Variants in TTC28 observed in about 807,000 individuals in gnomAD.
TTC28 encodes tetratricopeptide repeat domain 28, also known as tetratricopeptide repeat protein 28.
In TTC28, 61 loss-of-function variants were observed where a neutral mutation model predicts 198.0. That is an observed-to-expected ratio of 0.31 (90% CI 0.25 to 0.38). TTC28 has a LOEUF of 0.38. TTC28 is among the 10% of genes least tolerant of loss of function. The pLI, the probability that TTC28 is intolerant of heterozygous loss-of-function variation, is 1.00. For synonymous variants in TTC28, 1,171 were observed against 1,297.8 expected, an observed-to-expected ratio of 0.90 and a Z score of 2.10; for missense variants, 2,678 against 3,164.0, an observed-to-expected ratio of 0.85 and a Z score of 3.69.
At chr22:28,607,923 C>T (rs2050760073) in intron 2 of TTC28, among the ~76,000 whole-genome samples, 1 of 152,212 alleles carries the variant, frequency 6.6e-6, no homozygotes, top group African/African-American at 2.4e-5. Context: ...CCATTTCCCT[C>T]ACAGTGGTTG....
intron 5 of TTC28, among the ~76,000 whole-genome samples, chr22:28,241,484 T>C (rs1053262149): frequency 6.6e-6 from 1 of 152,088 alleles, no homozygotes; most frequent in African/African-American, 2.4e-5. Context: ...GTATGAGCTA[T>C]GGATTTGATA....
chr22:28,307,437 G>C (rs1196431501), intron 2 of TTC28, among the ~76,000 whole-genome samples: 1 of 151,976 alleles, frequency 6.6e-6, no homozygotes, highest in African/African-American at 2.4e-5. Context: ...AATAGACAGA[G>C]GGTCTCACTC....
intron 2 of TTC28, among the ~76,000 whole-genome samples, chr22:28,615,202 C>T (rs1221301191): frequency 6.6e-6 from 1 of 152,164 alleles, no homozygotes; most frequent in Non-Finnish European, 1.5e-5. Context: ...TGAAAAAATG[C>T]TCATCATCAC....
At chr22:28,600,986 G>A (rs1235792059) in intron 2 of TTC28, among the ~76,000 whole-genome samples, 1 of 151,966 alleles carries the variant, frequency 6.6e-6, no homozygotes, top group African/African-American at 2.4e-5. Flanking sequence ...TTATCATCAA[G>A]AAAAATTATG....
rs144625153 is a variant in TTC28, at chr22:28,268,890, C to T, written c.933+27308G>A. Among the ~76,000 whole-genome samples the T allele has an allele frequency of 6.0e-4, 92 of 152,182 alleles. No individual in the cohort carries two copies. In the East Asian group the frequency reaches 0.014, roughly 23 times the overall value. On this transcript the variant is annotated intron_variant, in intron 5 of 22. Transcript: ENST00000397906. ...CTTCTATTTTGGTGAGAAAGAGTAACGTTTACTATGACAATCTATTCTTTC... is the reference window on the plus strand; with the variant it reads ...CTTCTATTTTGGTGAGAAAGAGTAATGTTTACTATGACAATCTATTCTTTC...
At chr22:28,400,166 T>C (rs538571128) in intron 2 of TTC28, among the ~76,000 whole-genome samples, 27 of 152,212 alleles carry the variant, frequency 1.8e-4, no homozygotes, top group Non-Finnish European at 3.5e-4. Flanking sequence ...GTCTAACTCC[T>C]AGATGAAATT....
At chr22:28,322,372 G>C (rs189429562) in intron 2 of TTC28, among the ~76,000 whole-genome samples, 1 of 152,100 alleles carries the variant, frequency 6.6e-6, no homozygotes, top group Admixed American at 6.5e-5. Flanking sequence ...TGACTGAAAA[G>C]TTTCCCTGAC....
intron 6 of TTC28, among the ~76,000 whole-genome samples, chr22:28,158,072 G>A (rs1943791944): frequency 6.6e-6 from 1 of 151,636 alleles, no homozygotes. Flanking sequence ...CAAAGTTGCA[G>A]GATACAAAAT....
chr22:28,441,501 A>C (rs1381315224), intron 2 of TTC28, among the ~76,000 whole-genome samples: 1 of 152,182 alleles, frequency 6.6e-6, no homozygotes, highest in African/African-American at 2.4e-5. Flanking sequence ...AACTATTATA[A>C]TATATAAGAG....
chr22:28,297,801 C>T lies in TTC28; in HGVS notation c.581G>A (p.Ser194Asn). 2 of 1,551,678 alleles carry T rather than the reference C, an allele frequency of 1.3e-6. No individual in the cohort carries two copies. The highest frequency in any genetic ancestry group is 2.0e-5 in the Admixed American group (1 of 51,006). ...QQLQKMKLDK[S>N]PFVVVSVVGQ... ...AACCACAGACACGACCACAAAGGGA[C>T]TCTTGTCCAGTTTCATTTTCTGAAG... The change falls in exon 4 of 23, where the codon AGT becomes AAT. Residue 194 changes from serine to asparagine, a missense_variant. This residue lies in a region of TTC28 where 176 missense variants were observed against 197.9 expected (regional missense o/e 0.89). Transcript: ENST00000397906.
intron 5 of TTC28, among the ~76,000 whole-genome samples, chr22:28,236,672 G>T (rs140615626): frequency 6.6e-6 from 1 of 152,096 alleles, no homozygotes; most frequent in Non-Finnish European, 1.5e-5. Flanking sequence ...ATATGGGCTT[G>T]GTCAACTGCT....
intron 5 of TTC28, among the ~76,000 whole-genome samples, chr22:28,276,810 C>T (rs76453822): frequency 0.011 from 1,675 of 152,236 alleles, 11 homozygotes; most frequent in Non-Finnish European, 0.019. Context: ...ACCATCTTAA[C>T]CACATTCTGC....
intron 2 of TTC28, among the ~76,000 whole-genome samples, chr22:28,562,809 G>A (rs771056799): frequency 6.6e-6 from 1 of 152,166 alleles, no homozygotes; most frequent in Non-Finnish European, 1.5e-5. Context: ...ATCAGAGGAA[G>A]GGTTTTGAAG....
intron 2 of TTC28, among the ~76,000 whole-genome samples, chr22:28,518,389 G>T (rs917700470): frequency 2.0e-5 from 3 of 152,198 alleles, no homozygotes; most frequent in African/African-American, 7.2e-5. Context: ...GCCCAGACAC[G>T]AGGATTGCTT....
chr22:28,196,328 A>G (rs1925332506), intron 5 of TTC28, among the ~76,000 whole-genome samples: 4 of 152,218 alleles, frequency 2.6e-5, no homozygotes. Context: ...CTAAAACCAT[A>G]AAAACCCTAG....
intron 6 of TTC28, among the ~76,000 whole-genome samples, chr22:28,119,813 G>A (rs1236814736): frequency 1.3e-5 from 2 of 152,184 alleles, no homozygotes; most frequent in Non-Finnish European, 2.9e-5. Context: ...CTTCATTTTT[G>A]TACTGTCATC....
At chr22:28,301,831 G>A (rs1601600270) in intron 3 of TTC28, among the ~76,000 whole-genome samples, 1 of 152,236 alleles carries the variant, frequency 6.6e-6, no homozygotes, top group East Asian at 1.9e-4. Flanking sequence ...TGGCCCAGGA[G>A]TTCAAGACCA....
intron 2 of TTC28, among the ~76,000 whole-genome samples, chr22:28,608,450 A>G (rs1005240973): frequency 6.6e-6 from 1 of 152,240 alleles, no homozygotes; most frequent in African/African-American, 2.4e-5. Context: ...ATCAGTGGCA[A>G]CTGCTTAACA....
chr22:28,038,988 T>TTTTG (rs1265107344), intron 12 of TTC28, among the ~76,000 whole-genome samples: 3 of 152,274 alleles, frequency 2.0e-5, no homozygotes, highest in African/African-American at 7.2e-5. Context: ...TCACACCAGT[T>TTTTG]AGAATGGCGA....
Sources: gnomAD v4.1 joint callset for allele counts (sites outside exome capture counted in the v4.1 genomes callset) on GRCh38, gnomAD v4.1.1 for gene constraint, gnomAD v4.1.1 regional missense constraint, MANE v1.5 for transcripts, NCBI Gene and HGNC (gene_info 2026-07-23, HGNC 2026-07-21) for gene names.